The following BSDC1 variants were observed in gnomAD, a reference collection of about 807,000 sequenced individuals.
BSDC1 encodes BSD domain containing 1.
BSDC1 carries 29 observed loss-of-function variants against 56.0 expected under a neutral mutation model. The observed-to-expected ratio is 0.52, with a 90% CI of 0.39 to 0.71. The LOEUF is 0.71. BSDC1 is among the 30% of genes least tolerant of loss of function. The pLI is 0.00. For synonymous variants in BSDC1, 210 were observed against 215.3 expected (o/e 0.98, Z 0.21); for missense variants, 477 against 548.5 (o/e 0.87, Z 1.30).
chr1:32,382,217 A>G lies in BSDC1; in HGVS notation c.358-949T>C, dbSNP rs562222734. Among the ~76,000 whole-genome samples the G allele has an allele frequency of 2.1e-5, 3 of 141,234 alleles. No homozygotes were observed. The Admixed American group carries it at 2.2e-4, about 10-fold the overall frequency. 92.7% of individuals were successfully genotyped at this position (141,234 alleles called of 152,430 possible). On this transcript the variant is annotated intron_variant, in intron 4 of 10. Transcript: ENST00000455895. ...ACTCCAGTCTGGGCGACAGAGAGAG[A>G]CTCCATCTCAAAAAAAAAAAAAAAA...
chr1:32,370,530 G>A (rs186461519), intron 9 of BSDC1, among the ~76,000 whole-genome samples: 88 of 151,972 alleles, frequency 5.8e-4, no homozygotes, highest in Non-Finnish European at 7.7e-4. Flanking sequence ...GTCGCCGGGC[G>A]TGGTGGCTCA....
At chr1:32,392,279 G>C (rs896847241) in intron 2 of BSDC1, among the ~76,000 whole-genome samples, 6 of 152,198 alleles carry the variant, frequency 3.9e-5, no homozygotes, top group Non-Finnish European at 4.4e-5. Context: ...TTGCAGAGCT[G>C]AGACTGAGCC....
At chr1:32,367,443 T>G (rs1641892954) in intron 10 of BSDC1, 1 of 985,278 alleles carries the variant, frequency 1.0e-6, no homozygotes, top group Admixed American at 6.1e-5. Context: ...GGTAAAATAC[T>G]CCCCCAAGGC....
chr1:32,380,602 C>T (rs1369072157), intron 5 of BSDC1, among the ~76,000 whole-genome samples: 4 of 152,106 alleles, frequency 2.6e-5, no homozygotes, highest in Non-Finnish European at 5.9e-5. Flanking sequence ...GCCGAGATCG[C>T]GCCATTGCAC....
Position 32,378,235 on chromosome 1 carries a change from T to C in BSDC1, c.577A>G (p.Lys193Glu). ...CATACCTGCTCTAACTGATGGACTTTATAGAAATACCGATGCCAGAATTCT... is the reference window on the plus strand; with the variant it reads ...CATACCTGCTCTAACTGATGGACTTCATAGAAATACCGATGCCAGAATTCT... ...HSEFWHRYFY[K>E]VHQLEQEQAR... Residue 193 changes from lysine to glutamate, a missense_variant, in exon 7 of 11, where the codon AAA (lysine) becomes GAA (glutamate). Lys to Glu is a moderately conservative substitution (Grantham distance 56). Transcript: ENST00000455895. The surrounding 1 kb of genome is among the most constrained non-coding windows in gnomAD (Gnocchi z 5.2). 1 of 1,614,206 alleles carries C rather than the reference T, an allele frequency of 6.2e-7. No individual in the cohort carries two copies. The highest frequency in any genetic ancestry group is 8.5e-7 in the Non-Finnish European group (1 of 1,180,036).
At position 32,378,209 on chromosome 1, in the gene BSDC1, G is replaced by A. The variant is rs1243613869; in HGVS notation, c.597+6C>T. ...GTGGGGACCTCCCCATGCTAGACCA[G>A]CATACCTGCTCTAACTGATGGACTT... On this transcript the variant is annotated splice_donor_region_variant and intron_variant, in intron 7 of 10. Transcript: ENST00000455895. This position sits in a 1 kb window ranked among gnomAD's most constrained non-coding sequence, Gnocchi z 5.2. The A allele has an allele frequency of 6.2e-7, 1 of 1,614,016 alleles. No individual in the cohort carries two copies. Among genetic ancestry groups the A allele is most frequent in the South Asian group, 1.1e-5 (1 of 91,078 alleles).
chr1:32,394,339 C>T (rs1212632672), intron 1 of BSDC1, 65 bp downstream of exon 1: 4 of 1,612,918 alleles, frequency 2.5e-6, no homozygotes, highest in African/African-American at 1.3e-5. Flanking sequence ...CCGGGACTCT[C>T]GCCCAGCACC....
intron 1 of BSDC1, 55 bp from the exon 2 acceptor site, chr1:32,394,195 G>A (rs1179679567): frequency 2.5e-6 from 4 of 1,586,426 alleles, no homozygotes; most frequent in South Asian, 2.3e-5. Flanking sequence ...GCCCGCCCAA[G>A]GATCCGGTTT....
intron 9 of BSDC1, chr1:32,369,171 G>T: frequency 1.1e-6 from 1 of 892,614 alleles, no homozygotes; most frequent in Non-Finnish European, 1.6e-6. Context: ...ACTGTAGGCT[G>T]TTAGAGGTTA....
intron 2 of BSDC1, among the ~76,000 whole-genome samples, chr1:32,389,784 CCACACACACACA>C (rs58560406): frequency 5.5e-5 from 8 of 145,986 alleles, no homozygotes; most frequent in East Asian, 2.0e-4. Flanking sequence ...AAAACCGTCT[CCACACACACACA>C]CACACACACA....
chr1:32,366,800 A>AGT lies in BSDC1; in HGVS notation c.1261-148_1261-147dup, dbSNP rs780854242. Reference sequence around the variant, plus strand: ...GAGGTCCCACTGAGAGTGAACCCCTAGTCTTAAGGAATGTGTCTGAGGGGC... The same window carrying AGT: ...GAGGTCCCACTGAGAGTGAACCCCTAGTGTCTTAAGGAATGTGTCTGAGGGGC... On this transcript the variant is annotated intron_variant, in intron 10 of 10. Coordinates refer to ENST00000455895, the MANE Select transcript of BSDC1 (RefSeq NM_018045.8). The AGT allele has an allele frequency of 9.2e-4, 1,288 of 1,401,700 alleles. 4 individuals are homozygous for AGT. The highest frequency in any genetic ancestry group is 1.1e-3 in the Non-Finnish European group (1,228 of 1,074,170). The allele number at this position is 1,401,700 out of a possible 1,614,324, so 86.8% of individuals were successfully genotyped here.
chr1:32,379,272 G>C (rs1009928131), intron 5 of BSDC1, among the ~76,000 whole-genome samples: 6 of 151,754 alleles, frequency 4.0e-5, no homozygotes, highest in African/African-American at 1.5e-4. Context: ...TCTCTGGTTG[G>C]TCCATCTGAG....
intron 2 of BSDC1, among the ~76,000 whole-genome samples, chr1:32,391,003 G>T (rs979496413): frequency 1.3e-5 from 2 of 151,922 alleles, no homozygotes; most frequent in African/African-American, 4.8e-5. Flanking sequence ...GAAGAGTTTG[G>T]AAAGTGGACA....
At chr1:32,393,101 T>C (rs909987153) in intron 2 of BSDC1, among the ~76,000 whole-genome samples, 7 of 152,146 alleles carry the variant, frequency 4.6e-5, no homozygotes, top group Non-Finnish European at 1.0e-4. Flanking sequence ...AGAGGACTTA[T>C]TTAGGTGAGG....
At chr1:32,381,088 G>A (rs1363646983) in intron 5 of BSDC1, 126 bp downstream of exon 5, 1 of 836,514 alleles carries the variant, frequency 1.2e-6, no homozygotes, top group Non-Finnish European at 2.0e-6. Context: ...GTACACACTA[G>A]TCTCACTCTG....
intron 8 of BSDC1, among the ~76,000 whole-genome samples, chr1:32,377,319 C>T (rs1337476652): frequency 4.6e-5 from 7 of 152,164 alleles, no homozygotes; most frequent in African/African-American, 1.7e-4. Flanking sequence ...AGAAGTGAGT[C>T]AGTTTTGGGT....
Position 32,366,668 on chromosome 1 carries a change from G to C in BSDC1, c.1261-14C>G, listed in dbSNP as rs1160819338. On this transcript the variant is annotated splice_polypyrimidine_tract_variant and intron_variant, in intron 10 of 10. Coordinates refer to ENST00000455895, the MANE Select transcript of BSDC1 (RefSeq NM_018045.8). The stretch of plus-strand genomic sequence containing the variant: ...TACATCTTCCAGCTGCAAATGGGAG[G>C]GGGTAATGGAAATCACAAACACATA... 9 of 1,460,666 alleles carry C rather than the reference G, an allele frequency of 6.2e-6. No homozygotes were observed. The South Asian group carries it at 8.7e-5, about 14-fold the overall frequency. The allele number at this position is 1,460,666 out of a possible 1,614,324, so 90.5% of individuals were successfully genotyped here. A position where few individuals can be genotyped will look rare whatever the true frequency, so the allele number is the denominator to read the frequency against.
intron 5 of BSDC1, among the ~76,000 whole-genome samples, chr1:32,379,522 G>A (rs751791663): frequency 2.6e-5 from 4 of 151,772 alleles, no homozygotes; most frequent in Non-Finnish European, 5.9e-5. Context: ...TTATCTGACA[G>A]GGTTATCCAA....
At chr1:32,387,043 A>G (rs1458502212) in intron 2 of BSDC1, 148 bp from the exon 3 acceptor site, 2 of 645,352 alleles carry the variant, frequency 3.1e-6, no homozygotes, top group Non-Finnish European at 5.5e-6. Context: ...ATTTGTCCCA[A>G]TTCCATGATC....
Sources: allele counts gnomAD v4.1 joint callset (sites outside exome capture counted in the v4.1 genomes callset), GRCh38; gene constraint gnomAD v4.1.1; non-coding constraint Gnocchi (gnomAD v3.1); transcripts MANE v1.5; gene names NCBI Gene and HGNC (gene_info 2026-07-23, HGNC 2026-07-21).